Variants in EYA2 observed in about 807,000 individuals in gnomAD.
EYA2 encodes protein phosphatase EYA2.
A neutral mutation model predicts 69.2 loss-of-function variants in EYA2; 31 were observed. The ratio of observed to expected loss-of-function variants is 0.45; its 90% CI spans 0.34 to 0.60. The LOEUF is 0.60. Ranked by LOEUF, EYA2 falls within the 20% of genes least tolerant of loss-of-function variation. EYA2 has a pLI of 0.02. For synonymous variants in EYA2, 257 were observed against 279.4 expected, an observed-to-expected ratio of 0.92 and a Z score of 0.80; for missense variants, 622 against 701.2, an observed-to-expected ratio of 0.89 and a Z score of 1.28.
intron 10 of EYA2, among the ~76,000 whole-genome samples, chr20:47,164,710 G>A (rs559155899): frequency 3.9e-5 from 6 of 152,132 alleles, no homozygotes; most frequent in Non-Finnish European, 8.8e-5. Context: ...AGCAAGCCCC[G>A]TAGAGATGGT....
intron 1 of EYA2, among the ~76,000 whole-genome samples, chr20:46,969,214 T>G (rs912989382): frequency 2.0e-5 from 3 of 149,564 alleles, no homozygotes; most frequent in Non-Finnish European, 4.4e-5. Flanking sequence ...TGTGTTTTGT[T>G]TTTGGTTTTT....
chr20:47,123,371 G>A (rs964863318), intron 9 of EYA2, among the ~76,000 whole-genome samples: 11 of 152,046 alleles, frequency 7.2e-5, no homozygotes, highest in African/African-American at 2.7e-4. Context: ...CATGAGTGGG[G>A]CAAGGTCAGA....
chr20:47,083,299 G>A (rs892474425), intron 7 of EYA2, among the ~76,000 whole-genome samples: 8 of 152,150 alleles, frequency 5.3e-5, no homozygotes, highest in African/African-American at 7.2e-5. Flanking sequence ...TGGAACAGCC[G>A]AGCACAGTGG....
intron 10 of EYA2, among the ~76,000 whole-genome samples, chr20:47,158,946 T>C (rs1220765406): frequency 6.6e-6 from 1 of 151,894 alleles, no homozygotes; most frequent in East Asian, 2.0e-4. Flanking sequence ...GCTGGAATAA[T>C]AAAATAAATA....
intron 9 of EYA2, among the ~76,000 whole-genome samples, chr20:47,098,744 C>G (rs2032334463): frequency 6.6e-6 from 1 of 152,204 alleles, no homozygotes; most frequent in South Asian, 2.1e-4. Context: ...CTACTCTTGC[C>G]CACTGCAGCC....
At chr20:46,987,880 T>C (rs1265838757) in intron 1 of EYA2, among the ~76,000 whole-genome samples, 1 of 136,184 alleles carries the variant, frequency 7.3e-6, no homozygotes, top group Non-Finnish European at 1.5e-5. Context: ...TGAGCCAAGA[T>C]TGCACCACTG....
At chr20:46,916,420 CTG>C (rs67057952) in intron 1 of EYA2, among the ~76,000 whole-genome samples, 68,435 of 151,642 alleles carry the variant, frequency 0.45, 16,352 homozygotes, top group South Asian at 0.55. Flanking sequence ...GTGTCAGAGT[CTG>C]TGTGAATATG....
intron 1 of EYA2, among the ~76,000 whole-genome samples, chr20:46,976,908 C>CG (rs1980500408): frequency 6.7e-5 from 5 of 74,270 alleles, no homozygotes; most frequent in South Asian, 8.0e-4. Flanking sequence ...CTGCTCCAGT[C>CG]ATGTGGAATT....
At chr20:46,975,987 T>C (rs1002891450) in intron 1 of EYA2, among the ~76,000 whole-genome samples, 1 of 152,184 alleles carries the variant, frequency 6.6e-6, no homozygotes, top group Non-Finnish European at 1.5e-5. Flanking sequence ...CCTTTTGTCA[T>C]AGGACTCCCT....
intron 9 of EYA2, among the ~76,000 whole-genome samples, chr20:47,103,361 C>T (rs570113717): frequency 2.0e-5 from 3 of 152,250 alleles, no homozygotes; most frequent in African/African-American, 4.8e-5. Context: ...TCACACAGTA[C>T]GTGTGATCAT....
At chr20:46,922,091 A>C (rs766735692) in intron 1 of EYA2, among the ~76,000 whole-genome samples, 2 of 152,224 alleles carry the variant, frequency 1.3e-5, no homozygotes, top group Non-Finnish European at 2.9e-5. Flanking sequence ...TTGAGGCTGG[A>C]ACCTGCGTTT....
Position 47,179,793 on chromosome 20 carries a change from C to T in EYA2, c.1199-5C>T, listed in dbSNP as rs1415125217. ...TGACTACATCTTTATTTCCTTTGTC[C>T]ACAGGGTTGATAGGCACTCCCAAAA... is the stretch of plus-strand genomic sequence containing the variant. On this transcript the variant is annotated splice_polypyrimidine_tract_variant and splice_region_variant and intron_variant, in intron 12 of 15. Coordinates refer to ENST00000327619, the MANE Select transcript of EYA2 (RefSeq NM_005244.5). The T allele has an allele frequency of 6.2e-7, 1 of 1,604,818 alleles. No individual in the cohort carries two copies. The highest frequency in any genetic ancestry group is 2.2e-5 in the East Asian group (1 of 44,808).
chr20:47,056,120 A>G (rs1376629374), intron 5 of EYA2, among the ~76,000 whole-genome samples: 1 of 152,224 alleles, frequency 6.6e-6, no homozygotes, highest in African/African-American at 2.4e-5. Context: ...GGCCATTGTG[A>G]CATTTAGCAA....
intron 9 of EYA2, among the ~76,000 whole-genome samples, chr20:47,112,144 GCAAA>G (rs1160881822): frequency 2.0e-5 from 3 of 152,040 alleles, no homozygotes; most frequent in East Asian, 1.9e-4. Context: ...GCTGTCTCAA[GCAAA>G]CAAACAAAGC....
At chr20:47,049,388 T>C (rs2030206415) in intron 5 of EYA2, among the ~76,000 whole-genome samples, 1 of 152,184 alleles carries the variant, frequency 6.6e-6, no homozygotes, top group Non-Finnish European at 1.5e-5. Flanking sequence ...CTGATATGGT[T>C]TGGGTGTGTG....
chr20:47,052,540 T>C (rs1048819081), intron 5 of EYA2, among the ~76,000 whole-genome samples: 2 of 152,234 alleles, frequency 1.3e-5, no homozygotes, highest in Admixed American at 1.3e-4. Flanking sequence ...AGAGTGCCAG[T>C]CCTCTGCTGA....
intron 9 of EYA2, among the ~76,000 whole-genome samples, chr20:47,109,030 G>C (rs572073353): frequency 6.6e-6 from 1 of 152,160 alleles, no homozygotes; most frequent in Admixed American, 6.5e-5. Flanking sequence ...GATGCAGGCG[G>C]GGAGGAGCAC....
Position 47,188,173 on chromosome 20 carries a change from AC to A in EYA2, c.*45del. 1 of 1,535,524 alleles carries A rather than the reference AC, an allele frequency of 6.5e-7. No individual in the cohort carries two copies. On this transcript the variant is annotated 3_prime_UTR_variant, in exon 16 of 16. Coordinates refer to ENST00000327619, the MANE Select transcript of EYA2 (RefSeq NM_005244.5). Reference sequence around the variant, plus strand: ...TCTCCACCTGCCATCTCACCCTCAGACCCCCTCGCCTTCCCCACCTCCCCAC... The same window carrying A: ...TCTCCACCTGCCATCTCACCCTCAGACCCCTCGCCTTCCCCACCTCCCCAC...
At chr20:47,144,786 A>T (rs886215301) in intron 10 of EYA2, among the ~76,000 whole-genome samples, 2 of 152,224 alleles carry the variant, frequency 1.3e-5, no homozygotes, top group African/African-American at 2.4e-5. Flanking sequence ...AATAAATACC[A>T]TTGGCTTCAA....
Sources: gnomAD v4.1 joint callset for allele counts (sites outside exome capture counted in the v4.1 genomes callset) on GRCh38, gnomAD v4.1.1 for gene constraint, MANE v1.5 for transcripts, NCBI Gene and HGNC (gene_info 2026-07-23, HGNC 2026-07-21) for gene names.